The following ATP9B variants were observed in gnomAD, a reference collection of about 807,000 sequenced individuals.
The protein encoded by ATP9B is ATPase phospholipid transporting 9B.
A neutral mutation model predicts 146.1 loss-of-function variants in ATP9B; 110 were observed. That is an observed-to-expected ratio of 0.75 (90% CI 0.65 to 0.88). The LOEUF is 0.88. Among genes scored for constraint, ATP9B ranks in the 40% least tolerant of loss-of-function variants. The pLI, the probability that ATP9B is intolerant of heterozygous loss-of-function variation, is 0.00. For missense variants in ATP9B, 1,499 were observed against 1,496.4 expected, an observed-to-expected ratio of 1.00 and a Z score of -0.03; for synonymous variants, 604 against 569.7, an observed-to-expected ratio of 1.06 and a Z score of -0.86.
intron 12 of ATP9B, among the ~76,000 whole-genome samples, chr18:79,273,752 A>G (rs1369295652): frequency 6.6e-6 from 1 of 152,162 alleles, no homozygotes; most frequent in Non-Finnish European, 1.5e-5. Flanking sequence ...ACGCACTTCA[A>G]ATTTTTCAGA....
At chr18:79,155,848 C>T (rs1174289158) in intron 7 of ATP9B, among the ~76,000 whole-genome samples, 7 of 149,790 alleles carry the variant, frequency 4.7e-5, no homozygotes, top group African/African-American at 7.4e-5. Context: ...CTGCAAGCTC[C>T]GCCTCCTGGG....
chr18:79,234,286 T>A (rs2095818640), intron 11 of ATP9B, among the ~76,000 whole-genome samples: 1 of 152,230 alleles, frequency 6.6e-6, no homozygotes, highest in Non-Finnish European at 1.5e-5. Context: ...CTTCTGGATT[T>A]AACACATTCA....
At chr18:79,250,801 C>T (rs1004487275) in intron 11 of ATP9B, among the ~76,000 whole-genome samples, 13 of 152,142 alleles carry the variant, frequency 8.5e-5, no homozygotes, top group Admixed American at 3.3e-4. Context: ...GCTCCCTTTC[C>T]GACCATTTGT....
intron 22 of ATP9B, 56 bp from the exon 23 acceptor site, chr18:79,345,719 T>A: frequency 6.2e-7 from 1 of 1,608,586 alleles, no homozygotes; most frequent in Non-Finnish European, 8.5e-7. Context: ...ATGGTAAAAA[T>A]GAAAAACGTG....
chr18:79,104,265 T>TTG (rs1208618458), intron 2 of ATP9B, among the ~76,000 whole-genome samples: 3 of 152,160 alleles, frequency 2.0e-5, no homozygotes, highest in African/African-American at 7.2e-5. Flanking sequence ...AGGTGATTTT[T>TTG]TGTGTGTGTG....
intron 6 of ATP9B, among the ~76,000 whole-genome samples, chr18:79,154,183 G>A (rs1002088987): frequency 8.6e-5 from 13 of 151,032 alleles, no homozygotes; most frequent in South Asian, 2.1e-4. Context: ...GAATGGTCTC[G>A]ATCTCATGAC....
chr18:79,376,303 C>G, intron 29 of ATP9B: 1 of 985,210 alleles, frequency 1.0e-6, no homozygotes, highest in Non-Finnish European at 1.2e-6. Flanking sequence ...AGCACCACAA[C>G]TAGTACTTCA....
At chr18:79,085,877 AAC>A (rs1244700671) in intron 1 of ATP9B, 5 of 151,378 alleles carry the variant, frequency 3.3e-5, no homozygotes, top group South Asian at 2.1e-4. Context: ...TAGTAGAAGC[AAC>A]ACAGTTTTTT....
At chr18:79,371,471 C>T (rs180856325) in intron 26 of ATP9B, among the ~76,000 whole-genome samples, 1 of 151,968 alleles carries the variant, frequency 6.6e-6, no homozygotes, top group Admixed American at 6.5e-5. Flanking sequence ...GCTCAAGCTC[C>T]GTCAGCATCT....
chr18:79,188,077 G>A (rs185952049), intron 8 of ATP9B, among the ~76,000 whole-genome samples: 3 of 152,232 alleles, frequency 2.0e-5, no homozygotes, highest in East Asian at 3.9e-4. Context: ...ATTGGAATGC[G>A]TGTGTAGAAT....
chr18:79,259,018 G>T (rs912567537), intron 12 of ATP9B, among the ~76,000 whole-genome samples: 2 of 152,168 alleles, frequency 1.3e-5, no homozygotes, highest in African/African-American at 2.4e-5. Context: ...TCTAAAATAT[G>T]TTTTGGTTTT....
At chr18:79,244,601 G>T (rs577117831) in intron 11 of ATP9B, among the ~76,000 whole-genome samples, 1 of 152,082 alleles carries the variant, frequency 6.6e-6, no homozygotes, top group South Asian at 2.1e-4. Flanking sequence ...TACTACACAA[G>T]ATTTTTTGTT....
chr18:79,132,264 T>C (rs2094389388), intron 5 of ATP9B, among the ~76,000 whole-genome samples: 1 of 152,232 alleles, frequency 6.6e-6, no homozygotes, highest in Non-Finnish European at 1.5e-5. Flanking sequence ...TAAGAAAAAT[T>C]AGCCATCATT....
At chr18:79,360,622 G>A (rs757924022) in intron 26 of ATP9B, 8 of 152,204 alleles carry the variant, frequency 5.3e-5, no homozygotes, top group Non-Finnish European at 1.0e-4. Flanking sequence ...GAGAGGTGCT[G>A]GGTAAGTCAT....
At chr18:79,082,069 A>G (rs1398916121) in intron 1 of ATP9B, among the ~76,000 whole-genome samples, 5 of 152,102 alleles carry the variant, frequency 3.3e-5, no homozygotes, top group African/African-American at 1.2e-4. Context: ...TGGTCTTTTC[A>G]CATAGTCCCA....
chr18:79,373,871 A>G lies in ATP9B; in HGVS notation c.3071-27A>G, dbSNP rs201785866. On this transcript the variant is annotated intron_variant, in intron 27 of 29. Transcript: ENST00000426216. ...GCTGGCTTACACCCTGCTCGTGTGC[A>G]TGGAAAAAGCTCCTGCTGTTTTTCA... The G allele has an allele frequency of 1.2e-4, 190 of 1,611,688 alleles. No homozygotes were observed. The African/African-American group carries it at 2.3e-3, about 20-fold the overall frequency.
chr18:79,314,627 C>T (rs1482104467), intron 15 of ATP9B, among the ~76,000 whole-genome samples: 2 of 152,144 alleles, frequency 1.3e-5, no homozygotes, highest in African/African-American at 4.8e-5. Flanking sequence ...ACTTATGCCC[C>T]GGTCATTGTT....
intron 26 of ATP9B, among the ~76,000 whole-genome samples, chr18:79,367,839 C>T (rs986065266): frequency 6.6e-6 from 1 of 152,340 alleles, no homozygotes; most frequent in South Asian, 2.1e-4. Context: ...AAGGGCATTC[C>T]AAAAAGACAT....
At chr18:79,304,906 T>A (rs1199111915) in intron 14 of ATP9B, among the ~76,000 whole-genome samples, 2 of 152,244 alleles carry the variant, frequency 1.3e-5, no homozygotes, top group South Asian at 4.1e-4. Flanking sequence ...GTTTGTTGAT[T>A]TATTCTGAAT....
Sources: allele counts gnomAD v4.1 joint callset (sites outside exome capture counted in the v4.1 genomes callset), GRCh38; gene constraint gnomAD v4.1.1; transcripts MANE v1.5; gene names NCBI Gene and HGNC (gene_info 2026-07-23, HGNC 2026-07-21).